GLIS1: variants seen among roughly 807,000 people sequenced by gnomAD.
GLIS1 encodes the protein GLIS family zinc finger 1.
A neutral mutation model predicts 63.8 loss-of-function variants in GLIS1; 24 were observed. The observed-to-expected ratio is 0.38, with a 90% CI of 0.27 to 0.53. The LOEUF is 0.53. GLIS1 is among the 20% of genes least tolerant of loss of function. GLIS1 has a pLI of 0.85. For missense variants in GLIS1, 1,036 were observed against 1,074.1 expected, an observed-to-expected ratio of 0.96 and a Z score of 0.50; for synonymous variants, 450 against 482.5, an observed-to-expected ratio of 0.93 and a Z score of 0.88.
At chr1:53,589,273 G>C (rs975365433) in intron 4 of GLIS1, among the ~76,000 whole-genome samples, 1 of 152,156 alleles carries the variant, frequency 6.6e-6, no homozygotes, top group African/African-American at 2.4e-5. Flanking sequence ...GCCCAGCTAG[G>C]AGGTCAAAAC....
Position 53,506,425 on chromosome 1 carries a change from C to A in GLIS1, c.*194G>T, listed in dbSNP as rs982109943. On this transcript the variant is annotated 3_prime_UTR_variant, in exon 11 of 11. Coordinates refer to ENST00000628545, the MANE Select transcript of GLIS1 (RefSeq NM_001367484.1). ...ACAGATCCTGGCGGGCACCTCTGTG[C>A]GCCCAGCTCAAGCTCGGATGGCGGC... 1.2e-5 allele frequency: 7 copies of A among 596,678 alleles called. No individual in the cohort carries two copies. Among genetic ancestry groups the A allele is most frequent in the Non-Finnish European group, 2.1e-5 (7 of 338,472 alleles). 37.0% of individuals were successfully genotyped at this position (596,678 alleles called of 1,614,324 possible). A position where few individuals can be genotyped will look rare whatever the true frequency, so the allele number is the denominator to read the frequency against.
intron 2 of GLIS1, among the ~76,000 whole-genome samples, chr1:53,699,432 T>A (rs1027800367): frequency 1.3e-5 from 2 of 152,168 alleles, no homozygotes; most frequent in African/African-American, 4.8e-5. Flanking sequence ...ATATCCCTTA[T>A]CCAAAATGCC....
At chr1:53,536,344 G>T (rs1403624497) in intron 4 of GLIS1, among the ~76,000 whole-genome samples, 1 of 152,074 alleles carries the variant, frequency 6.6e-6, no homozygotes, top group Non-Finnish European at 1.5e-5. Flanking sequence ...AAGAATAGGT[G>T]GTTAGGTTTT....
chr1:53,602,573 G>A (rs548697415), intron 2 of GLIS1, among the ~76,000 whole-genome samples: 2 of 152,252 alleles, frequency 1.3e-5, no homozygotes, highest in South Asian at 2.1e-4. Context: ...AGGAAGGCAG[G>A]CCCTAGAAAG....
intron 4 of GLIS1, among the ~76,000 whole-genome samples, chr1:53,562,883 C>T (rs1644905428): frequency 6.6e-6 from 1 of 152,206 alleles, no homozygotes; most frequent in South Asian, 2.1e-4. Flanking sequence ...TTACAGTGCT[C>T]TGCCATACAT....
chr1:53,613,546 G>A (rs1645447895), intron 2 of GLIS1, among the ~76,000 whole-genome samples: 1 of 152,138 alleles, frequency 6.6e-6, no homozygotes, highest in Admixed American at 6.6e-5. Context: ...TATTGAATAT[G>A]ATACAGTGAA....
intron 2 of GLIS1, among the ~76,000 whole-genome samples, chr1:53,602,270 C>T (rs1462554806): frequency 6.6e-6 from 1 of 152,086 alleles, no homozygotes; most frequent in Non-Finnish European, 1.5e-5. Context: ...CATTTAACTC[C>T]GTCTCTGCTT....
At chr1:53,691,356 C>A (rs982762206) in intron 2 of GLIS1, among the ~76,000 whole-genome samples, 1 of 152,214 alleles carries the variant, frequency 6.6e-6, no homozygotes, top group South Asian at 2.1e-4. Context: ...CCCCCTCCCA[C>A]CACCACATGA....
intron 2 of GLIS1, among the ~76,000 whole-genome samples, chr1:53,615,117 C>G (rs1484862447): frequency 2.6e-5 from 4 of 152,150 alleles, no homozygotes; most frequent in Non-Finnish European, 5.9e-5. Flanking sequence ...GACCCTCCCC[C>G]AGGGTCTGTG....
At chr1:53,537,594 G>C (rs551221362) in intron 4 of GLIS1, among the ~76,000 whole-genome samples, 33 of 152,350 alleles carry the variant, frequency 2.2e-4, no homozygotes, top group African/African-American at 7.7e-4. Flanking sequence ...ACGGCTGGTA[G>C]AAGTAAATAA....
chr1:53,552,000 T>C (rs1644765002), intron 4 of GLIS1, among the ~76,000 whole-genome samples: 1 of 151,626 alleles, frequency 6.6e-6, no homozygotes, highest in South Asian at 2.1e-4. Context: ...CACTCCCCAA[T>C]CACACCCCCA....
In GLIS1 at chr1:53,506,405, T is replaced by A; in HGVS notation, c.*214A>T. Reference sequence around the variant, plus strand: ...CGAGGGAATGTTACAGGGCCACAGATCCTGGCGGGCACCTCTGTGCGCCCA... The same window carrying A: ...CGAGGGAATGTTACAGGGCCACAGAACCTGGCGGGCACCTCTGTGCGCCCA... On this transcript the variant is annotated 3_prime_UTR_variant, in exon 11 of 11. Coordinates refer to ENST00000628545, the MANE Select transcript of GLIS1 (RefSeq NM_001367484.1). The A allele has an allele frequency of 1.8e-6, 1 of 561,998 alleles. No individual in the cohort carries two copies. Among genetic ancestry groups the A allele is most frequent in the Non-Finnish European group, 3.2e-6 (1 of 316,122 alleles). The allele number at this position is 561,998 out of a possible 1,614,324, so 34.8% of individuals were successfully genotyped here.
intron 4 of GLIS1, among the ~76,000 whole-genome samples, chr1:53,580,499 G>C (rs1179672530): frequency 6.6e-6 from 1 of 152,152 alleles, no homozygotes; most frequent in Non-Finnish European, 1.5e-5. Context: ...TGCTTTTGAG[G>C]AATCGCAGGA....
At chr1:53,547,773 A>C (rs1644719500) in intron 4 of GLIS1, among the ~76,000 whole-genome samples, 1 of 152,218 alleles carries the variant, frequency 6.6e-6, no homozygotes, top group African/African-American at 2.4e-5. Flanking sequence ...CTGCTGAGCC[A>C]AGCCTGGCTG....
At chr1:53,507,325 C>T (rs373955736) in intron 10 of GLIS1, among the ~76,000 whole-genome samples, 1 of 152,216 alleles carries the variant, frequency 6.6e-6, no homozygotes, top group Non-Finnish European at 1.5e-5. Context: ...AGAAGGCAGG[C>T]ACAGAGGCCA....
chr1:53,702,885 C>G (rs1298491913), intron 2 of GLIS1, among the ~76,000 whole-genome samples: 1 of 152,208 alleles, frequency 6.6e-6, no homozygotes, highest in African/African-American at 2.4e-5. Context: ...GAGCATGGCA[C>G]TGAAGGCCAC....
intron 7 of GLIS1, among the ~76,000 whole-genome samples, chr1:53,517,301 G>A (rs767101033): frequency 5.9e-5 from 9 of 152,090 alleles, no homozygotes; most frequent in African/African-American, 9.7e-5. Context: ...CGTCCTTACC[G>A]CTCCCTGCCT....
In GLIS1 at chr1:53,526,753, A is replaced by G. The variant is rs187639534; in HGVS notation, c.1483-1866T>C. Among the ~76,000 whole-genome samples, 5 of 152,374 alleles carry G rather than the reference A, an allele frequency of 3.3e-5. No individual in the cohort carries two copies. The highest frequency in any genetic ancestry group is 2.6e-4 in the Admixed American group (4 of 15,312). ...AAGCTGGCTCTGTGTCTGCCGGCACATTCGCCTGGAAACGGGCGGCAAGGC... is the reference window on the plus strand; with the variant it reads ...AAGCTGGCTCTGTGTCTGCCGGCACGTTCGCCTGGAAACGGGCGGCAAGGC... On this transcript the variant is annotated intron_variant, in intron 5 of 10. Transcript: ENST00000628545. This position sits in a 1 kb window ranked among gnomAD's most constrained non-coding sequence, Gnocchi z 4.4.
intron 4 of GLIS1, among the ~76,000 whole-genome samples, chr1:53,568,717 C>T (rs1404621323): frequency 6.6e-6 from 1 of 152,274 alleles, no homozygotes; most frequent in South Asian, 2.1e-4. Flanking sequence ...TGGCACCTCC[C>T]CCTTCTCTGT....
Sources: gnomAD v4.1 joint callset for allele counts (sites outside exome capture counted in the v4.1 genomes callset) on GRCh38, gnomAD v4.1.1 for gene constraint, Gnocchi (gnomAD v3.1) non-coding constraint, MANE v1.5 for transcripts, NCBI Gene and HGNC (gene_info 2026-07-23, HGNC 2026-07-21) for gene names.